SELENON: variants seen among roughly 807,000 people sequenced by gnomAD.
SELENON encodes the protein selenoprotein N.
A neutral mutation model predicts 59.5 loss-of-function variants in SELENON; 44 were observed. That is an observed-to-expected ratio of 0.74 (90% confidence interval 0.58 to 0.95). The LOEUF is 0.95. Ranked by LOEUF, SELENON falls within the 40% of genes least tolerant of loss-of-function variation. The pLI is 0.00. For missense variants in SELENON, 674 were observed against 721.4 expected (o/e 0.93, Z 0.75); for synonymous variants, 320 against 305.6 (o/e 1.05, Z -0.49).
Position 25,811,692 on chromosome 1 carries a change from T to C in SELENON, c.1094T>C (p.Met365Thr), listed in dbSNP as rs973033318. The C allele has an allele frequency of 1.2e-6, 2 of 1,610,762 alleles. No homozygotes were observed. The highest frequency in any genetic ancestry group is 2.7e-5 in the African/African-American group (2 of 74,908). The change falls in exon 9 of 13, where the codon ATG (methionine) becomes ACG (threonine). Residue 365 changes from methionine (M) to threonine (T), a missense_variant and splice_region_variant. Coordinates refer to ENST00000361547, the MANE Select transcript of SELENON (RefSeq NM_020451.3). ...CCCTACCACTGACCTCTGGCCCAGA[T>C]GGAGCTGGAGGCCACGGGCCCCTCT...
intron 9 of SELENON, 140 bp downstream of exon 8, chr1:25,812,019 C>CA: frequency 3.3e-6 from 3 of 907,364 alleles, no homozygotes; most frequent in Non-Finnish European, 5.2e-6. Context: ...CCCAGCTGTG[C>CA]CAGCGGGGCC....
Position 25,815,771 on chromosome 1 carries a change from G to T in SELENON, c.*53G>T. On this transcript the variant is annotated 3_prime_UTR_variant, in exon 13 of 13. Coordinates refer to ENST00000361547, the MANE Select transcript of SELENON (RefSeq NM_020451.3). ...GCCCCCACGCCTCAGAGCCAGAGTG[G>T]TCCTCAGCCCATTTCAGACTGCAGA... 10 of 1,593,666 alleles carry T rather than the reference G, an allele frequency of 6.3e-6. No individual in the cohort carries two copies. The highest frequency in any genetic ancestry group is 7.7e-6 in the Non-Finnish European group (9 of 1,167,488).
At position 25,817,555 on chromosome 1, in the gene SELENON, C is replaced by G. The variant is rs2048021910; in HGVS notation, c.*1837C>G. 1 of 152,216 alleles carries G rather than the reference C, an allele frequency of 6.6e-6. No homozygotes were observed. The highest frequency in any genetic ancestry group is 2.4e-5 in the African/African-American group (1 of 41,436). 9.4% of individuals were successfully genotyped at this position (152,216 alleles called of 1,614,324 possible). A position where few individuals can be genotyped will look rare whatever the true frequency, so the allele number is the denominator to read the frequency against. On this transcript the variant is annotated 3_prime_UTR_variant, in exon 13 of 13. Transcript: ENST00000361547. Reference sequence around the variant, plus strand: ...TATCATCCAGTCATCGCTAATATTACACGCACCTTCTCACTTAATCCTCAC... The same window carrying G: ...TATCATCCAGTCATCGCTAATATTAGACGCACCTTCTCACTTAATCCTCAC...
intron 12 of SELENON, among the ~76,000 whole-genome samples, chr1:25,814,712 C>A (rs1043811307): frequency 6.6e-6 from 1 of 152,200 alleles, no homozygotes; most frequent in East Asian, 1.9e-4. Context: ...ATGTTGCAGT[C>A]AATTAAGTGC....
Position 25,812,500 on chromosome 1 carries a change from CAT to C in SELENON, c.1282-181_1282-180del, listed in dbSNP as rs1376373721. On this transcript the variant is annotated intron_variant, in intron 9 of 12. Transcript: ENST00000361547. ...ACACACATATACAAACATACACAAA[CAT>C]ATATACACATACAAATGTACATATA... is the stretch of plus-strand genomic sequence containing the variant. 4.0e-5 allele frequency among the ~76,000 whole-genome samples: 6 copies of C among 151,198 alleles called. No homozygotes were observed. The East Asian group carries it at 5.8e-4, about 15-fold the overall frequency.
intron 6 of SELENON, 99 bp downstream of exon 5, chr1:25,809,249 C>T (rs1455477602): frequency 4.5e-6 from 7 of 1,552,736 alleles, no homozygotes; most frequent in Middle Eastern, 3.4e-4. Context: ...CTCCACCTCT[C>T]CTCCCACTGC....
chr1:25,800,501 G>C lies in SELENON; in HGVS notation c.183+88G>C, dbSNP rs1053984338. The C allele has an allele frequency of 7.0e-4, 489 of 703,078 alleles. 3 individuals carry two copies. The highest frequency in any genetic ancestry group is 8.3e-4 in the Non-Finnish European group (455 of 551,350). The allele number at this position is 703,078 out of a possible 1,614,324, so 43.6% of individuals were successfully genotyped here. On this transcript the variant is annotated intron_variant, in intron 1 of 12. Coordinates refer to ENST00000361547, the MANE Select transcript of SELENON (RefSeq NM_020451.3). ...CAGCAGGGGGGACATGGGCATGGAC[G>C]AGTCGGGGGAGGCGGAGGGCGGAGG...
intron 12 of SELENON, among the ~76,000 whole-genome samples, chr1:25,814,907 T>C (rs535654848): frequency 1.3e-5 from 2 of 151,408 alleles, no homozygotes; most frequent in Non-Finnish European, 2.9e-5. Flanking sequence ...ACGGGAGAGG[T>C]GTCCAGTGAG....
At chr1:25,812,601 ACAC>A (rs1357341543) in intron 9 of SELENON, 83 bp from the exon 9 acceptor site, 4 of 847,494 alleles carry the variant, frequency 4.7e-6, no homozygotes, top group East Asian at 2.7e-5. Flanking sequence ...ACACACACAC[ACAC>A]ACTTGCACAC....
intron 1 of SELENON, 36 bp from the exon 2 acceptor site, chr1:25,801,007 C>G: frequency 1.9e-6 from 3 of 1,580,088 alleles, no homozygotes; most frequent in Non-Finnish European, 1.7e-6. Context: ...ACCAGGCCGC[C>G]AAATGGTGCC....
At chr1:25,813,725 C>G (rs980554541) in intron 10 of SELENON, 156 bp from the exon 10 acceptor site, 1 of 689,214 alleles carries the variant, frequency 1.5e-6, no homozygotes, top group African/African-American at 1.8e-5. Flanking sequence ...TTAATTCCAA[C>G]TATCATTTAT....
At chr1:25,814,650 T>C (rs1393313037) in intron 12 of SELENON, among the ~76,000 whole-genome samples, 2 of 152,196 alleles carry the variant, frequency 1.3e-5, no homozygotes, top group Non-Finnish European at 2.9e-5. Flanking sequence ...TGGATGGTCA[T>C]GAATACCCAT....
At chr1:25,812,556 TACACACAAACACACACACACACACACAC>T in intron 9 of SELENON, 103 bp from the exon 9 acceptor site, 1 of 527,876 alleles carries the variant, frequency 1.9e-6, no homozygotes, top group Non-Finnish European at 3.3e-6. Flanking sequence ...TATATATGCC[TACACACAAACACACACACACACACACAC>T]ACACACACAC....
Position 25,815,835 on chromosome 1 carries a change from G to A in SELENON, c.*117G>A. 8.8e-7 allele frequency: 1 copy of A among 1,138,170 alleles called. No homozygotes were observed. The highest frequency in any genetic ancestry group is 1.3e-6 in the Non-Finnish European group (1 of 784,478). 70.5% of individuals were successfully genotyped at this position (1,138,170 alleles called of 1,614,324 possible). On this transcript the variant is annotated 3_prime_UTR_variant, in exon 13 of 13. Transcript: ENST00000361547. ...CACCCCACTCCTAGGCTGCCTTGGA[G>A]GGTACAAGATCCACTGAGGGTGGCC...
Position 25,816,772 on chromosome 1 carries a change from A to C in SELENON, c.*1054A>C, listed in dbSNP as rs1335756460. The C allele has an allele frequency of 6.6e-6, 1 of 152,460 alleles. No homozygotes were observed. Among genetic ancestry groups the C allele is most frequent in the Non-Finnish European group, 1.5e-5 (1 of 68,020 alleles). The allele number at this position is 152,460 out of a possible 1,614,324, so 9.4% of individuals were successfully genotyped here. A position where few individuals can be genotyped will look rare whatever the true frequency, so the allele number is the denominator to read the frequency against. On this transcript the variant is annotated 3_prime_UTR_variant, in exon 13 of 13. Transcript: ENST00000361547. ...CATGGTTTGTAGGTATTTTTTTATAACCCCAGTGCTGAGGAGAAAGGAGGG... is the reference window on the plus strand; with the variant it reads ...CATGGTTTGTAGGTATTTTTTTATACCCCCAGTGCTGAGGAGAAAGGAGGG...
chr1:25,808,851 C>A (rs904782784), intron 5 of SELENON, 62 bp downstream of exon 4: 2 of 1,592,348 alleles, frequency 1.3e-6, no homozygotes, highest in Non-Finnish European at 1.7e-6. Flanking sequence ...GGCCACCCCT[C>A]TGTCTGCGCC....
At position 25,814,121 on chromosome 1, in the gene SELENON, C is replaced by T. The variant is rs2124455090; in HGVS notation, c.1545C>T (p.His515=). Residue 515 remains histidine, a synonymous_variant, in exon 12 of 13, where the codon CAC becomes CAT. Coordinates refer to ENST00000361547, the MANE Select transcript of SELENON (RefSeq NM_020451.3). ...CCCACCAGAAGCTGGCTGGCCTGCA[C>T]CTGGAGAAGTACAGCTTCCCCGTGG... 6.2e-7 allele frequency: 1 copy of T among 1,614,190 alleles called. No homozygotes were observed. Among genetic ancestry groups the T allele is most frequent in the East Asian group, 2.2e-5 (1 of 44,880 alleles).
Position 25,805,184 on chromosome 1 carries a change from C to G in SELENON, c.446C>G (p.Pro149Arg). Reference sequence around the variant, plus strand: ...AGCTGCGAGGAGGAGGAGTTGCCCCCTGACCCTAGCGAGGAGACGCTCACC... The same window carrying G: ...AGCTGCGAGGAGGAGGAGTTGCCCCGTGACCCTAGCGAGGAGACGCTCACC... The change falls in exon 4 of 13, where the codon CCT (proline) becomes CGT (arginine). Residue 149 changes from proline (P) to arginine (R), a missense_variant. Physicochemically the swap from Pro to Arg is moderately radical, Grantham distance 103. Coordinates refer to ENST00000361547, the MANE Select transcript of SELENON (RefSeq NM_020451.3). 2 of 1,614,068 alleles carry G rather than the reference C, an allele frequency of 1.2e-6. No homozygotes were observed. Among genetic ancestry groups the G allele is most frequent in the Non-Finnish European group, 1.7e-6 (2 of 1,180,014 alleles).
Position 25,814,168 on chromosome 1 carries a change from A to G in SELENON, c.1592A>G (p.Asn531Ser), listed in dbSNP as rs546041571. ...GTGGAGATGATGATCTGCCTGCCCA[A>G]TGGCACCGTGGTAGGCACCCCCACT... is the stretch of plus-strand genomic sequence containing the variant. The change falls in exon 12 of 13, where the codon AAT becomes AGT. Residue 531 changes from asparagine (N) to serine (S), a missense_variant. Asn to Ser is a conservative substitution (Grantham distance 46). Transcript: ENST00000361547. 5.7e-5 allele frequency: 92 copies of G among 1,613,568 alleles called. 1 individual carries two copies. In the South Asian group the frequency reaches 6.8e-4, roughly 12 times the overall value.
Sources: allele counts gnomAD v4.1 joint callset (sites outside exome capture counted in the v4.1 genomes callset), GRCh38; gene constraint gnomAD v4.1.1; transcripts MANE v1.5; gene names NCBI Gene and HGNC (gene_info 2026-07-23, HGNC 2026-07-21).